ME3: variants seen among roughly 807,000 people sequenced by gnomAD.
ME3 encodes malic enzyme 3, also known as NADP-dependent malic enzyme, mitochondrial.
A neutral mutation model predicts 68.9 loss-of-function variants in ME3; 48 were observed. The observed-to-expected ratio is 0.70, with a 90% CI of 0.55 to 0.89. The LOEUF is 0.89. ME3 is among the 40% of genes least tolerant of loss of function. The probability of loss-of-function intolerance (pLI) is 0.00; values close to 1 mark genes in which losing one functional copy is unlikely to be tolerated. For synonymous variants in ME3, 320 were observed against 318.8 expected, an observed-to-expected ratio of 1.00 and a Z score of -0.04; for missense variants, 675 against 797.4, an observed-to-expected ratio of 0.85 and a Z score of 1.85.
At chr11:86,502,210 G>C (rs1367537125) in intron 5 of ME3, among the ~76,000 whole-genome samples, 6 of 152,110 alleles carry the variant, frequency 3.9e-5, no homozygotes, top group Non-Finnish European at 8.8e-5. Flanking sequence ...TACCACCCTT[G>C]CATGTTTCAA....
At chr11:86,529,691 G>A (rs1955055803) in intron 4 of ME3, among the ~76,000 whole-genome samples, 1 of 152,204 alleles carries the variant, frequency 6.6e-6, no homozygotes, top group South Asian at 2.1e-4. Flanking sequence ...TGGGATGCAA[G>A]GCTGGTTCAA....
chr11:86,610,469 A>C (rs1298297659), intron 2 of ME3, among the ~76,000 whole-genome samples: 1 of 152,150 alleles, frequency 6.6e-6, no homozygotes, highest in Non-Finnish European at 1.5e-5. Context: ...AAAATTTAGC[A>C]AATGTGGAAA....
intron 4 of ME3, among the ~76,000 whole-genome samples, chr11:86,548,915 C>T (rs1245548692): frequency 6.6e-6 from 1 of 152,224 alleles, no homozygotes; most frequent in Non-Finnish European, 1.5e-5. Context: ...GTTCACTTTG[C>T]AGTGAGCTGC....
intron 7 of ME3, 62 bp from the exon 8 acceptor site, chr11:86,465,262 C>G: frequency 7.8e-7 from 1 of 1,286,912 alleles, no homozygotes; most frequent in Non-Finnish European, 1.1e-6. Flanking sequence ...CTGACAGATC[C>G]CAGCTTGCAC....
At chr11:86,438,059 T>C (rs1182909843), downstream of ME3, among the ~76,000 whole-genome samples, 1 of 152,206 alleles carries the variant, frequency 6.6e-6, no homozygotes, top group Non-Finnish European at 1.5e-5. Flanking sequence ...TTGTTCCAGA[T>C]CTTAGGGAGA....
In ME3 at chr11:86,647,345, T is replaced by C. The variant is rs139274815; in HGVS notation, c.183+24417A>G. ...TAAAAAATACAAAAAATTAGCCAGGTGTGGTGGCGGGCACCTGTTGTCCCA... is the reference window on the plus strand; with the variant it reads ...TAAAAAATACAAAAAATTAGCCAGGCGTGGTGGCGGGCACCTGTTGTCCCA... On this transcript the variant is annotated intron_variant, in intron 2 of 14. Coordinates refer to ENST00000543262, the Ensembl canonical transcript of ME3. 8.8e-3 allele frequency among the ~76,000 whole-genome samples: 1,332 copies of C among 151,994 alleles called. 26 individuals carry two copies. Among genetic ancestry groups the C allele is most frequent in the African/African-American group, 0.03 (1,246 of 41,458 alleles).
chr11:86,534,505 C>T (rs1268639899), intron 4 of ME3, among the ~76,000 whole-genome samples: 1 of 151,924 alleles, frequency 6.6e-6, no homozygotes, highest in Non-Finnish European at 1.5e-5. Flanking sequence ...CAAAACCCCT[C>T]CTCTACTAAA....
chr11:86,439,859 A>G (rs768577479), downstream of ME3, among the ~76,000 whole-genome samples: 2 of 152,210 alleles, frequency 1.3e-5, no homozygotes, highest in Admixed American at 6.5e-5. Flanking sequence ...GTAAAAAGGT[A>G]GTGTCAAAAA....
rs144541176 is a variant in ME3 at position 86,453,820 on chromosome 11, CA to C, written c.920-3423del. Among the ~76,000 whole-genome samples the C allele has an allele frequency of 3.9e-5, 6 of 152,310 alleles. No individual in the cohort carries two copies. In the East Asian group the frequency reaches 9.6e-4, roughly 24 times the overall value. On this transcript the variant is annotated intron_variant, in intron 8 of 14. Transcript: ENST00000543262. Reference sequence around the variant, plus strand: ...TGAACCCGGTTTGCAGTTTGGCTGTCACTGAGAGAACTAGTCTCATAGCTGC... The same window carrying C: ...TGAACCCGGTTTGCAGTTTGGCTGTCCTGAGAGAACTAGTCTCATAGCTGC...
At chr11:86,477,980 TCTG>T (rs1239484122) in intron 7 of ME3, among the ~76,000 whole-genome samples, 3 of 152,100 alleles carry the variant, frequency 2.0e-5, no homozygotes, top group African/African-American at 7.2e-5. Context: ...GGGAAACTGT[TCTG>T]CTCCTTCAGA....
At chr11:86,626,786 G>A (rs1009810740) in intron 2 of ME3, among the ~76,000 whole-genome samples, 1 of 152,136 alleles carries the variant, frequency 6.6e-6, no homozygotes, top group African/African-American at 2.4e-5. Context: ...TTGGCACATG[G>A]GCCACAGTTT....
chr11:86,565,611 A>G (rs1957443520), intron 2 of ME3, among the ~76,000 whole-genome samples: 1 of 152,224 alleles, frequency 6.6e-6, no homozygotes, highest in African/African-American at 2.4e-5. Context: ...ATGCTAAGTA[A>G]AATAAGCCAG....
chr11:86,525,372 G>C (rs1456492644), intron 4 of ME3, among the ~76,000 whole-genome samples: 1 of 152,054 alleles, frequency 6.6e-6, no homozygotes, highest in Non-Finnish European at 1.5e-5. Flanking sequence ...AGCAAGAGAG[G>C]AAGAAAGGAA....
At chr11:86,646,105 GC>G (rs990423118) in intron 2 of ME3, among the ~76,000 whole-genome samples, 4 of 152,134 alleles carry the variant, frequency 2.6e-5, no homozygotes, top group African/African-American at 7.2e-5. Context: ...AAAAACCAGG[GC>G]AAAAAGGCTG....
chr11:86,504,970 C>T (rs1236031839), intron 5 of ME3, among the ~76,000 whole-genome samples: 1 of 152,206 alleles, frequency 6.6e-6, no homozygotes, highest in Non-Finnish European at 1.5e-5. Context: ...GGATTACAGG[C>T]GTGAGCCACC....
intron 4 of ME3, among the ~76,000 whole-genome samples, chr11:86,522,808 C>A (rs1452064959): frequency 6.6e-6 from 1 of 152,066 alleles, no homozygotes; most frequent in Admixed American, 6.6e-5. Context: ...GGTTCCAAGT[C>A]TTGTAACAAC....
chr11:86,532,686 ACATAG>A (rs1276993868), intron 4 of ME3, among the ~76,000 whole-genome samples: 1 of 152,222 alleles, frequency 6.6e-6, no homozygotes, highest in East Asian at 1.9e-4. Flanking sequence ...GAAACTGGAA[ACATAG>A]CATAATGTAA....
intron 2 of ME3, among the ~76,000 whole-genome samples, chr11:86,615,667 T>C (rs536558723): frequency 6.6e-6 from 1 of 152,264 alleles, no homozygotes; most frequent in Non-Finnish European, 1.5e-5. Flanking sequence ...GGGGTGTTGG[T>C]GGTGGTGTGA....
chr11:86,516,826 C>G (rs1344381063), intron 4 of ME3, among the ~76,000 whole-genome samples: 1 of 152,158 alleles, frequency 6.6e-6, no homozygotes, highest in African/African-American at 2.4e-5. Context: ...TTCCTACTTT[C>G]ATTTCCAAAA....
Sources: allele counts gnomAD v4.1 joint callset (sites outside exome capture counted in the v4.1 genomes callset), GRCh38; gene constraint gnomAD v4.1.1; transcripts MANE v1.5; gene names NCBI Gene and HGNC (gene_info 2026-07-23, HGNC 2026-07-21).